The following ADK variants were observed in gnomAD, a reference collection of about 807,000 sequenced individuals.
ADK encodes N6,N6-dimethyladenosine kinase.
In ADK, 24 loss-of-function variants were observed where a neutral mutation model predicts 44.7. The ratio of observed to expected loss-of-function variants is 0.54; its 90% CI spans 0.39 to 0.76. The LOEUF (loss-of-function observed/expected upper bound fraction) is 0.76. Among genes scored for constraint, ADK ranks in the 30% least tolerant of loss-of-function variants. The pLI is 0.00. For synonymous variants in ADK, 128 were observed against 142.6 expected (o/e 0.90, Z 0.73); for missense variants, 321 against 425.1 (o/e 0.76, Z 2.15).
At chr10:74,527,199 A>C (rs1348163933) in intron 7 of ADK, among the ~76,000 whole-genome samples, 1 of 152,176 alleles carries the variant, frequency 6.6e-6, no homozygotes, top group East Asian at 1.9e-4. Context: ...GTCTCTACTT[A>C]AAATACAAAA....
intron 9 of ADK, among the ~76,000 whole-genome samples, chr10:74,600,754 A>G (rs552204843): frequency 6.6e-6 from 1 of 152,096 alleles, no homozygotes; most frequent in East Asian, 1.9e-4. Flanking sequence ...GATTTTGTCA[A>G]TCAAGAAATA....
chr10:74,320,382 C>T (rs1289970072), intron 4 of ADK, among the ~76,000 whole-genome samples: 2 of 152,030 alleles, frequency 1.3e-5, no homozygotes. Context: ...TCACTGATTT[C>T]AAAATTCTTT....
intron 7 of ADK, among the ~76,000 whole-genome samples, chr10:74,582,306 A>G (rs1026702948): frequency 4.6e-5 from 7 of 150,864 alleles, no homozygotes; most frequent in African/African-American, 1.5e-4. Flanking sequence ...GTGAGACCCA[A>G]TCTCAAAAAA....
chr10:74,547,938 G>A (rs560412541), intron 7 of ADK, among the ~76,000 whole-genome samples: 7 of 152,228 alleles, frequency 4.6e-5, no homozygotes, highest in Non-Finnish European at 1.0e-4. Context: ...GATTACAGGC[G>A]TGAGCCACCG....
At chr10:74,648,531 C>T (rs1181147111) in intron 9 of ADK, among the ~76,000 whole-genome samples, 3 of 150,606 alleles carry the variant, frequency 2.0e-5, no homozygotes, top group Non-Finnish European at 4.4e-5. Context: ...TACAAAAATT[C>T]GCTGGGCGTG....
chr10:74,267,850 C>T (rs1457140058), intron 3 of ADK, among the ~76,000 whole-genome samples: 4 of 150,848 alleles, frequency 2.7e-5, no homozygotes, highest in African/African-American at 2.4e-5. Context: ...CATATTAGGC[C>T]TCTTTGGCTT....
intron 6 of ADK, among the ~76,000 whole-genome samples, chr10:74,409,250 G>A (rs1386607108): frequency 6.6e-6 from 1 of 152,146 alleles, no homozygotes; most frequent in African/African-American, 2.4e-5. Context: ...AAGGTTCCAA[G>A]TTTGAAATAA....
chr10:74,394,225 G>A lies in ADK; in HGVS notation c.358G>A (p.Ala120Thr). ...DKFGEILKRKAAEAHVDAHYY... is the reference protein window; with the variant it reads ...DKFGEILKRKTAEAHVDAHYY... ...ATTTGGGGAGATCCTGAAGAGAAAA[G>A]CTGCTGAAGCCCATGTGGATGCTCA... The change falls in exon 5 of 11, where the codon GCT (alanine) becomes ACT (threonine). Residue 120 changes from alanine (A) to threonine (T), a missense_variant. Ala to Thr is a moderately conservative substitution (Grantham distance 58). Transcript: ENST00000539909. 1 of 1,614,090 alleles carries A rather than the reference G, an allele frequency of 6.2e-7. No homozygotes were observed. Among genetic ancestry groups the A allele is most frequent in the Non-Finnish European group, 8.5e-7 (1 of 1,179,972 alleles).
At chr10:74,362,892 A>C (rs1040990566) in intron 4 of ADK, among the ~76,000 whole-genome samples, 1 of 152,222 alleles carries the variant, frequency 6.6e-6, no homozygotes, top group African/African-American at 2.4e-5. Flanking sequence ...CTGCCTGGGA[A>C]TGCTGTCCAG....
chr10:74,490,739 A>G (rs1469898999), intron 6 of ADK, among the ~76,000 whole-genome samples: 1 of 152,160 alleles, frequency 6.6e-6, no homozygotes, highest in Non-Finnish European at 1.5e-5. Context: ...CCCTCGGACA[A>G]GCCAGTCAGC....
At chr10:74,389,316 A>G (rs1843259481) in intron 4 of ADK, among the ~76,000 whole-genome samples, 1 of 152,176 alleles carries the variant, frequency 6.6e-6, no homozygotes, top group Admixed American at 6.5e-5. Flanking sequence ...TAGGAACATC[A>G]TCATTTTTAT....
chr10:74,670,035 T>G, intron 9 of ADK, 148 bp from the exon 10 acceptor site: 1 of 698,964 alleles, frequency 1.4e-6, no homozygotes, highest in South Asian at 1.6e-5. Context: ...GCACCTTAGT[T>G]CCCAAGTGCC....
chr10:74,382,322 C>T (rs962865210), intron 4 of ADK, among the ~76,000 whole-genome samples: 7 of 152,178 alleles, frequency 4.6e-5, no homozygotes, highest in Non-Finnish European at 7.3e-5. Context: ...TGGTCTCGAA[C>T]TTCTGAGCTC....
At chr10:74,547,007 G>T (rs1332911709) in intron 7 of ADK, among the ~76,000 whole-genome samples, 2 of 152,030 alleles carry the variant, frequency 1.3e-5, no homozygotes, top group East Asian at 3.9e-4. Flanking sequence ...GTGTTTCCTT[G>T]TAGGGTTTTT....
intron 6 of ADK, among the ~76,000 whole-genome samples, chr10:74,433,815 C>T (rs141134487): frequency 7.7e-5 from 7 of 91,254 alleles, no homozygotes; most frequent in South Asian, 5.9e-4. Context: ...ATTGCTAAAA[C>T]GAAATACTTT....
intron 1 of ADK, among the ~76,000 whole-genome samples, chr10:74,177,087 G>A (rs1434739225): frequency 6.6e-6 from 1 of 152,240 alleles, no homozygotes; most frequent in Non-Finnish European, 1.5e-5. Context: ...ACATTGCGGA[G>A]TTCTGTGTGT....
At chr10:74,564,148 G>GT (rs1218181469) in intron 7 of ADK, among the ~76,000 whole-genome samples, 2 of 150,914 alleles carry the variant, frequency 1.3e-5, no homozygotes, top group African/African-American at 4.9e-5. Flanking sequence ...GCGGTGTTTG[G>GT]TTTTTTGTTC....
intron 4 of ADK, among the ~76,000 whole-genome samples, chr10:74,361,798 C>A (rs938577225): frequency 1.3e-5 from 2 of 152,196 alleles, no homozygotes; most frequent in African/African-American, 4.8e-5. Context: ...GTCTTTATTT[C>A]TCCTTCAGTT....
intron 10 of ADK, among the ~76,000 whole-genome samples, chr10:74,691,565 T>C (rs1855990651): frequency 6.6e-6 from 1 of 152,082 alleles, no homozygotes; most frequent in Non-Finnish European, 1.5e-5. Flanking sequence ...GGAATGCAAA[T>C]GGTTAATTAG....
Sources: allele counts gnomAD v4.1 joint callset (sites outside exome capture counted in the v4.1 genomes callset), GRCh38; gene constraint gnomAD v4.1.1; transcripts MANE v1.5; gene names NCBI Gene and HGNC (gene_info 2026-07-23, HGNC 2026-07-21).